Variants in SLC9A4 observed in about 807,000 individuals in gnomAD.
SLC9A4 encodes the protein solute carrier family 9 member A4.
SLC9A4 carries 63 observed loss-of-function variants against 67.4 expected under a neutral mutation model. The ratio of observed to expected loss-of-function variants is 0.93; its 90% CI spans 0.76 to 1.15. The LOEUF is 1.15. Among genes scored for constraint, SLC9A4 ranks in the 50% most tolerant of loss-of-function variants. SLC9A4 has a pLI of 0.00. For synonymous variants in SLC9A4, 393 were observed against 367.2 expected (o/e 1.07, Z -0.80); for missense variants, 1,089 against 987.7 (o/e 1.10, Z -1.38).
Position 102,503,443 on chromosome 2 carries a change from C to T in SLC9A4, c.721-5C>T. The stretch of plus-strand genomic sequence containing the variant: ...TCATATTTGTTTACTCTCTTTTTTG[C>T]CTAGGTCTTATACAATATGTTAATT... On this transcript the variant is annotated splice_polypyrimidine_tract_variant and splice_region_variant and intron_variant, in intron 2 of 11. Transcript: ENST00000295269. 1 of 1,573,668 alleles carries T rather than the reference C, an allele frequency of 6.4e-7. No homozygotes were observed. The highest frequency in any genetic ancestry group is 1.8e-5 in the Admixed American group (1 of 54,434).
chr2:102,484,295 C>T (rs1684538494), intron 2 of SLC9A4, among the ~76,000 whole-genome samples: 1 of 152,130 alleles, frequency 6.6e-6, no homozygotes. Context: ...ATTTTCCACT[C>T]ATGCAACTGG....
intron 11 of SLC9A4, among the ~76,000 whole-genome samples, chr2:102,531,062 C>A (rs375542688): frequency 8.6e-6 from 1 of 116,266 alleles, no homozygotes; most frequent in African/African-American, 3.3e-5. Context: ...TACCTAAATT[C>A]TTTTTTTTTT....
In SLC9A4 at chr2:102,501,550, C is replaced by A. The variant is rs966077734; in HGVS notation, c.721-1898C>A. Among the ~76,000 whole-genome samples the A allele has an allele frequency of 1.3e-5, 2 of 151,964 alleles. 1 individual carries two copies. The highest frequency in any genetic ancestry group is 2.9e-5 in the Non-Finnish European group (2 of 67,996). On this transcript the variant is annotated intron_variant, in intron 2 of 11. Transcript: ENST00000295269. ...ATGAGCCACCACGCCCAGCCAAAAACAACAATCTTTTATAATGGAGGTGAT... is the reference window on the plus strand; with the variant it reads ...ATGAGCCACCACGCCCAGCCAAAAAAAACAATCTTTTATAATGGAGGTGAT...
intron 2 of SLC9A4, among the ~76,000 whole-genome samples, chr2:102,490,833 G>A (rs922780958): frequency 3.9e-5 from 6 of 152,078 alleles, no homozygotes; most frequent in South Asian, 2.1e-4. Flanking sequence ...AAACAACAAA[G>A]GTTTATTTCT....
At chr2:102,483,327 C>T (rs549566315) in intron 2 of SLC9A4, among the ~76,000 whole-genome samples, 11 of 152,246 alleles carry the variant, frequency 7.2e-5, no homozygotes, top group South Asian at 6.2e-4. Flanking sequence ...TGAAAAGGAA[C>T]GGGTACTTGC....
At chr2:102,510,522 T>C (rs1216039741) in intron 6 of SLC9A4, among the ~76,000 whole-genome samples, 2 of 152,214 alleles carry the variant, frequency 1.3e-5, no homozygotes, top group Non-Finnish European at 1.5e-5. Flanking sequence ...CCAGATTATC[T>C]GGGGTCATCT....
intron 1 of SLC9A4, among the ~76,000 whole-genome samples, chr2:102,476,048 G>A (rs546610313): frequency 6.6e-6 from 1 of 152,184 alleles, no homozygotes; most frequent in Non-Finnish European, 1.5e-5. Context: ...AAGGGACTTG[G>A]TCTAACGGGG....
In SLC9A4 at chr2:102,473,635, G is replaced by A. The variant is rs561306284; in HGVS notation, c.-125G>A. On this transcript the variant is annotated 5_prime_UTR_variant, in exon 1 of 12. Coordinates refer to ENST00000295269, the MANE Select transcript of SLC9A4 (RefSeq NM_001011552.4). ...AACACACTCGGAATCTTCTTGGGAG[G>A]ACCCACAGACTGTACCTATATTACT... 3 of 1,171,984 alleles carry A rather than the reference G, an allele frequency of 2.6e-6. No homozygotes were observed. Among genetic ancestry groups the A allele is most frequent in the East Asian group, 4.9e-5 (2 of 41,078 alleles). 72.6% of individuals were successfully genotyped at this position (1,171,984 alleles called of 1,614,324 possible).
intron 8 of SLC9A4, among the ~76,000 whole-genome samples, chr2:102,518,965 T>C (rs1033389389): frequency 2.6e-5 from 4 of 152,240 alleles, no homozygotes; most frequent in African/African-American, 9.6e-5. Context: ...CTCCTTTTTG[T>C]TCTTATGTTC....
chr2:102,526,245 C>T lies in SLC9A4; in HGVS notation c.1951-14C>T, dbSNP rs184739884. ...CAGCTTATTCTGCTTTTTCTTTCTACTTGCTACCCACAGGCTGGCACCAAG... is the reference window on the plus strand; with the variant it reads ...CAGCTTATTCTGCTTTTTCTTTCTATTTGCTACCCACAGGCTGGCACCAAG... On this transcript the variant is annotated splice_polypyrimidine_tract_variant and intron_variant, in intron 10 of 11. Coordinates refer to ENST00000295269, the MANE Select transcript of SLC9A4 (RefSeq NM_001011552.4). 2,997 of 1,612,392 alleles carry T rather than the reference C, an allele frequency of 1.9e-3. 3 individuals are homozygous for T. The highest frequency in any genetic ancestry group is 2.4e-3 in the Non-Finnish European group (2,782 of 1,178,740).
chr2:102,530,051 C>T (rs1382437123), intron 11 of SLC9A4, among the ~76,000 whole-genome samples: 1 of 152,132 alleles, frequency 6.6e-6, no homozygotes, highest in African/African-American at 2.4e-5. Flanking sequence ...ATGAACTGTA[C>T]ACTTATTTAT....
chr2:102,491,064 G>A (rs1684688071), intron 2 of SLC9A4, among the ~76,000 whole-genome samples: 3 of 151,984 alleles, frequency 2.0e-5, no homozygotes, highest in Non-Finnish European at 2.9e-5. Flanking sequence ...ATTCTTTCTT[G>A]AGAAAAAAAC....
chr2:102,497,350 A>G (rs1383564406), intron 2 of SLC9A4, among the ~76,000 whole-genome samples: 3 of 152,234 alleles, frequency 2.0e-5, no homozygotes, highest in African/African-American at 7.2e-5. Context: ...ACATAGGTCT[A>G]CAAAAAAGGC....
At chr2:102,491,424 C>T (rs775406356) in intron 2 of SLC9A4, among the ~76,000 whole-genome samples, 61 of 137,278 alleles carry the variant, frequency 4.4e-4, no homozygotes, top group Non-Finnish European at 7.2e-4. Context: ...TCAAGCACCA[C>T]ATAGTTGGGG....
chr2:102,504,959 G>A (rs1342595981), intron 3 of SLC9A4, among the ~76,000 whole-genome samples: 2 of 152,224 alleles, frequency 1.3e-5, no homozygotes, highest in African/African-American at 4.8e-5. Flanking sequence ...TTCATGAAGA[G>A]GGCAAGAGGG....
At chr2:102,490,518 C>T (rs1208842912) in intron 2 of SLC9A4, among the ~76,000 whole-genome samples, 1 of 152,176 alleles carries the variant, frequency 6.6e-6, no homozygotes. Context: ...TAAGGCCCCA[C>T]CCTTATGATC....
At chr2:102,503,951 G>A (rs1238084368) in intron 3 of SLC9A4, among the ~76,000 whole-genome samples, 2 of 152,262 alleles carry the variant, frequency 1.3e-5, no homozygotes, top group East Asian at 3.9e-4. Context: ...CAATTATCAC[G>A]TCAATTTAGA....
Position 102,479,308 on chromosome 2 carries a change from A to T in SLC9A4, c.720+6A>T, listed in dbSNP as rs757384874. On this transcript the variant is annotated splice_donor_region_variant and intron_variant, in intron 2 of 11. Transcript: ENST00000295269. ...TCAATGATGGCATTACTGTGGTGAG[A>T]TGTCATGTGCCCGCCCGGCTTCCGG... 3 of 1,599,974 alleles carry T rather than the reference A, an allele frequency of 1.9e-6. No homozygotes were observed. The Admixed American group carries it at 5.0e-5, about 27-fold the overall frequency.
intron 1 of SLC9A4, among the ~76,000 whole-genome samples, chr2:102,475,655 G>A (rs1391323726): frequency 6.6e-6 from 1 of 152,118 alleles, no homozygotes; most frequent in Non-Finnish European, 1.5e-5. Flanking sequence ...AAAAGAGTAG[G>A]ATATCAGAAC....
Sources: allele counts gnomAD v4.1 joint callset (sites outside exome capture counted in the v4.1 genomes callset), GRCh38; gene constraint gnomAD v4.1.1; transcripts MANE v1.5; gene names NCBI Gene and HGNC (gene_info 2026-07-23, HGNC 2026-07-21).